Variants in COMT observed in about 807,000 individuals in gnomAD.
COMT encodes catechol-O-methyltransferase, also known as catechol O-methyltransferase.
In COMT, 13 loss-of-function variants were observed where a neutral mutation model predicts 18.9. The observed-to-expected ratio is 0.69, with a 90% CI of 0.45 to 1.09. COMT has a LOEUF of 1.09. COMT is among the 50% of genes least tolerant of loss of function. The pLI, the probability that COMT is intolerant of heterozygous loss-of-function variation, is 0.00. For missense variants in COMT, 329 were observed against 361.8 expected (o/e 0.91, Z 0.73); for synonymous variants, 150 against 160.9 (o/e 0.93, Z 0.51).
At chr22:19,959,068 G>A (rs1942130932) in intron 1 of COMT, among the ~76,000 whole-genome samples, 1 of 152,110 alleles carries the variant, frequency 6.6e-6, no homozygotes, top group African/African-American at 2.4e-5. Flanking sequence ...GCCAAAGTAG[G>A]GCGATCGGAT....
intron 3 of COMT, 135 bp from the exon 4 acceptor site, chr22:19,963,431 G>A: frequency 1.0e-6 from 1 of 1,000,682 alleles, no homozygotes; most frequent in Non-Finnish European, 1.5e-6. Flanking sequence ...AGGGAGGGTG[G>A]GCAGAGGAGG....
intron 1 of COMT, among the ~76,000 whole-genome samples, chr22:19,952,297 A>G (rs1941955512): frequency 6.7e-6 from 1 of 149,826 alleles, no homozygotes; most frequent in Non-Finnish European, 1.5e-5. Flanking sequence ...AGAGGTGATC[A>G]CGCCACTGCA....
At chr22:19,954,218 C>CAAA (rs361699) in intron 1 of COMT, among the ~76,000 whole-genome samples, 3,759 of 135,376 alleles carry the variant, frequency 0.028, 231 homozygotes, top group African/African-American at 0.098. Flanking sequence ...GGTATTGAGT[C>CAAA]AAAAAAAAAA....
chr22:19,947,049 G>T (rs929335557), intron 1 of COMT, among the ~76,000 whole-genome samples: 19 of 151,404 alleles, frequency 1.3e-4, no homozygotes, highest in African/African-American at 4.6e-4. Flanking sequence ...CCAAGTAGCT[G>T]GGATTACAGG....
chr22:19,958,783 T>A (rs1184645702), intron 1 of COMT, among the ~76,000 whole-genome samples: 1 of 149,386 alleles, frequency 6.7e-6, no homozygotes, highest in Non-Finnish European at 1.5e-5. Context: ...CCCAGCTACT[T>A]GGGGGGGCTG....
At chr22:19,968,004 G>C (rs370427060) in intron 5 of COMT, among the ~76,000 whole-genome samples, 1 of 152,184 alleles carries the variant, frequency 6.6e-6, no homozygotes, top group East Asian at 1.9e-4. Context: ...TGGTGAAGAT[G>C]GGGGGTCTGC....
At chr22:19,967,122 C>T (rs1217011437) in intron 5 of COMT, 2 of 1,291,096 alleles carry the variant, frequency 1.5e-6, no homozygotes, top group Non-Finnish European at 2.0e-6. Context: ...ACCCATGCTC[C>T]TTTCTGCCCT....
intron 1 of COMT, among the ~76,000 whole-genome samples, chr22:19,957,756 C>T (rs1210552782): frequency 6.6e-6 from 1 of 152,096 alleles, no homozygotes; most frequent in African/African-American, 2.4e-5. Flanking sequence ...GACCATCAGC[C>T]GTTTCACAGA....
intron 1 of COMT, among the ~76,000 whole-genome samples, chr22:19,953,606 G>A (rs1051373191): frequency 2.6e-5 from 4 of 152,106 alleles, no homozygotes; most frequent in African/African-American, 9.7e-5. Flanking sequence ...TTTGTTTACA[G>A]TACTCAGCAG....
intron 3 of COMT, chr22:19,963,284 C>T: frequency 1.7e-6 from 1 of 580,270 alleles, no homozygotes; most frequent in South Asian, 2.0e-5. Flanking sequence ...CTGGGGCCAG[C>T]CAGGAAGGGT....
At chr22:19,956,873 C>T (rs1488623434) in intron 1 of COMT, among the ~76,000 whole-genome samples, 1 of 151,956 alleles carries the variant, frequency 6.6e-6, no homozygotes, top group African/African-American at 2.4e-5. Context: ...CTGTTCCAGC[C>T]ATAGTTCATA....
At chr22:19,948,923 C>T (rs144603820) in intron 1 of COMT, among the ~76,000 whole-genome samples, 1,475 of 141,396 alleles carry the variant, frequency 0.01, 17 homozygotes, top group African/African-American at 0.036. Context: ...CCATGGCACT[C>T]CAGCCTGGGT....
In COMT at chr22:19,943,857, T is replaced by C. The variant is rs559727077; in HGVS notation, c.-92+1960T>C. On this transcript the variant is annotated intron_variant, in intron 1 of 5. Transcript: ENST00000361682. ...GATGGCATAGGCATTGGTATCCCAG[T>C]TGTGGTTACTTTCTGGAGAGAGCAT... Among the ~76,000 whole-genome samples, 4 of 151,378 alleles carry C rather than the reference T, an allele frequency of 2.6e-5. No individual in the cohort carries two copies. The East Asian group carries it at 5.9e-4, about 22-fold the overall frequency.
intron 3 of COMT, chr22:19,963,326 G>T: frequency 1.7e-6 from 1 of 605,078 alleles, no homozygotes; most frequent in East Asian, 2.8e-5. Flanking sequence ...GAGCATAGAG[G>T]CTAAGGGACC....
chr22:19,964,000 G>C (rs929157843), intron 4 of COMT, 168 bp from the exon 5 acceptor site: 1 of 1,375,744 alleles, frequency 7.3e-7, no homozygotes, highest in Admixed American at 1.9e-5. Context: ...GGACAGAGTG[G>C]GGCCTTGTCA....
At chr22:19,943,815 G>T (rs1469102957) in intron 1 of COMT, among the ~76,000 whole-genome samples, 1 of 152,124 alleles carries the variant, frequency 6.6e-6, no homozygotes, top group Non-Finnish European at 1.5e-5. Context: ...CCTGGTGTGT[G>T]GTGTGAAGTC....
chr22:19,958,688 A>G (rs977433271), intron 1 of COMT, among the ~76,000 whole-genome samples: 3 of 149,588 alleles, frequency 2.0e-5, no homozygotes, highest in African/African-American at 7.4e-5. Flanking sequence ...AGCCTGGGCA[A>G]AATATCGAGA....
chr22:19,964,397 C>T, intron 5 of COMT, 98 bp downstream of exon 5: 1 of 1,550,260 alleles, frequency 6.5e-7, no homozygotes, highest in Non-Finnish European at 8.9e-7. Context: ...CAGTAGAGCC[C>T]TGTGTGGACA....
chr22:19,967,062 C>G, intron 5 of COMT: 1 of 1,219,254 alleles, frequency 8.2e-7, no homozygotes, highest in Non-Finnish European at 1.1e-6. Flanking sequence ...CTTCTTTCCC[C>G]TCTTGACCAG....
Sources: allele counts gnomAD v4.1 joint callset (sites outside exome capture counted in the v4.1 genomes callset), GRCh38; gene constraint gnomAD v4.1.1; transcripts MANE v1.5; gene names NCBI Gene and HGNC (gene_info 2026-07-23, HGNC 2026-07-21).